CFAP299: variants seen among roughly 807,000 people sequenced by gnomAD.
CFAP299 encodes cilia- and flagella-associated protein 299.
In CFAP299, 21 loss-of-function variants were observed where a neutral mutation model predicts 27.0. That is an observed-to-expected ratio of 0.78 (90% CI 0.55 to 1.12). The LOEUF (loss-of-function observed/expected upper bound fraction) is 1.12, where lower values mean the gene tolerates loss of function less well. Ranked by LOEUF, CFAP299 falls within the 50% of genes most tolerant of loss-of-function variation. CFAP299 has a pLI of 0.00. For synonymous variants in CFAP299, 104 were observed against 98.1 expected, an observed-to-expected ratio of 1.06 and a Z score of -0.36; for missense variants, 310 against 276.6, an observed-to-expected ratio of 1.12 and a Z score of -0.86.
At chr4:80,340,791 T>A (rs901581004) in intron 1 of CFAP299, among the ~76,000 whole-genome samples, 1 of 152,090 alleles carries the variant, frequency 6.6e-6, no homozygotes, top group African/African-American at 2.4e-5. Context: ...TTATTATTTT[T>A]TTTTTTGGAG....
At chr4:80,537,764 G>A (rs1003553711) in intron 2 of CFAP299, among the ~76,000 whole-genome samples, 2 of 151,818 alleles carry the variant, frequency 1.3e-5, no homozygotes, top group Non-Finnish European at 2.9e-5. Flanking sequence ...TGTATAGCAT[G>A]GTGACTATAG....
At chr4:80,515,396 T>A (rs1445833966) in intron 2 of CFAP299, among the ~76,000 whole-genome samples, 2 of 152,208 alleles carry the variant, frequency 1.3e-5, no homozygotes, top group East Asian at 3.8e-4. Flanking sequence ...GTTCTCATGC[T>A]AATTGCTATG....
At chr4:80,909,748 TAAATA>T (rs1735372836) in intron 4 of CFAP299, among the ~76,000 whole-genome samples, 1 of 151,968 alleles carries the variant, frequency 6.6e-6, no homozygotes, top group African/African-American at 2.4e-5. Context: ...TTCAAAATTA[TAAATA>T]AAATATATGA....
intron 3 of CFAP299, among the ~76,000 whole-genome samples, chr4:80,601,119 A>G (rs1482493139): frequency 6.6e-6 from 1 of 152,142 alleles, no homozygotes; most frequent in Non-Finnish European, 1.5e-5. Flanking sequence ...AAAAACTTTA[A>G]AAGTTTTATA....
At chr4:80,404,118 A>G (rs1726296325) in intron 2 of CFAP299, among the ~76,000 whole-genome samples, 2 of 152,112 alleles carry the variant, frequency 1.3e-5, no homozygotes, top group African/African-American at 4.8e-5. Flanking sequence ...TCTTTTAAAA[A>G]CTTATTTCAA....
At chr4:80,532,374 A>G (rs1258794819) in intron 2 of CFAP299, among the ~76,000 whole-genome samples, 3 of 152,202 alleles carry the variant, frequency 2.0e-5, no homozygotes, top group Non-Finnish European at 4.4e-5. Flanking sequence ...AAAAGTGGGA[A>G]GTAGTCCATT....
At chr4:80,639,019 T>C (rs551104782) in intron 3 of CFAP299, among the ~76,000 whole-genome samples, 1 of 152,264 alleles carries the variant, frequency 6.6e-6, no homozygotes, top group African/African-American at 2.4e-5. Flanking sequence ...TCAAGCTCTT[T>C]GGTGTCTCTT....
intron 5 of CFAP299, among the ~76,000 whole-genome samples, chr4:80,946,022 G>A (rs34144094): frequency 0.079 from 11,894 of 150,598 alleles, 551 homozygotes; most frequent in Middle Eastern, 0.17. Flanking sequence ...GCATGGTGTC[G>A]CATGCCTGTA....
rs530114186 is a variant in CFAP299 at position 80,761,722 on chromosome 4, C to G, written c.334-108271C>G. Among the ~76,000 whole-genome samples, 153 of 151,908 alleles carry G rather than the reference C, an allele frequency of 1.0e-3. 1 individual carries two copies. Among genetic ancestry groups the G allele is most frequent in the African/African-American group, 3.5e-3 (145 of 41,474 alleles). ...AATAATTAGACAAGTGAATAATAAC[C>G]AGACAAAGTCAACAAGAATATGCAG... is the stretch of plus-strand genomic sequence containing the variant. On this transcript the variant is annotated intron_variant, in intron 3 of 5. Coordinates refer to ENST00000358105, the MANE Select transcript of CFAP299 (RefSeq NM_152770.3).
intron 2 of CFAP299, among the ~76,000 whole-genome samples, chr4:80,400,242 G>A (rs1382830935): frequency 1.3e-5 from 2 of 152,120 alleles, no homozygotes; most frequent in Non-Finnish European, 1.5e-5. Flanking sequence ...CTTTGCTGAT[G>A]TGTGTCAGGC....
chr4:80,477,431 C>T (rs965407786), intron 2 of CFAP299, among the ~76,000 whole-genome samples: 1 of 152,100 alleles, frequency 6.6e-6, no homozygotes, highest in Non-Finnish European at 1.5e-5. Flanking sequence ...CTATGCCTGT[C>T]GCAACTCTTG....
intron 2 of CFAP299, among the ~76,000 whole-genome samples, chr4:80,546,876 C>T (rs1338323091): frequency 6.6e-6 from 1 of 152,024 alleles, no homozygotes; most frequent in Non-Finnish European, 1.5e-5. Flanking sequence ...TGCTCGGCCT[C>T]ATGTGTTTCT....
At chr4:80,914,539 A>G (rs1735649544) in intron 4 of CFAP299, among the ~76,000 whole-genome samples, 1 of 152,156 alleles carries the variant, frequency 6.6e-6, no homozygotes, top group South Asian at 2.1e-4. Flanking sequence ...GACATTGAAA[A>G]AAGGCTCCTG....
chr4:80,844,713 A>C (rs1415903665), intron 3 of CFAP299, among the ~76,000 whole-genome samples: 1 of 151,824 alleles, frequency 6.6e-6, no homozygotes, highest in Admixed American at 6.6e-5. Flanking sequence ...TTGCCTGTTC[A>C]CTCTGATGGT....
chr4:80,809,481 G>C (rs1310882552), intron 3 of CFAP299, among the ~76,000 whole-genome samples: 1 of 152,072 alleles, frequency 6.6e-6, no homozygotes, highest in African/African-American at 2.4e-5. Context: ...CAGAGAGAGG[G>C]AGAGAAAGGT....
intron 3 of CFAP299, among the ~76,000 whole-genome samples, chr4:80,740,759 G>C (rs1724212045): frequency 1.3e-5 from 2 of 152,164 alleles, no homozygotes; most frequent in Admixed American, 1.3e-4. Context: ...AGTCTTTCCT[G>C]CTCTTCCCTC....
At chr4:80,930,296 T>C (rs556067256) in intron 4 of CFAP299, among the ~76,000 whole-genome samples, 1 of 152,330 alleles carries the variant, frequency 6.6e-6, no homozygotes, top group South Asian at 2.1e-4. Context: ...TCTCTTCATC[T>C]GTATCCTTTG....
At chr4:80,796,482 G>A (rs893170127) in intron 3 of CFAP299, among the ~76,000 whole-genome samples, 5 of 152,200 alleles carry the variant, frequency 3.3e-5, no homozygotes, top group Admixed American at 1.3e-4. Flanking sequence ...AAGCTGGAAC[G>A]TTGATATACC....
intron 2 of CFAP299, among the ~76,000 whole-genome samples, chr4:80,549,705 A>G (rs1322070168): frequency 2.6e-5 from 4 of 152,100 alleles, no homozygotes; most frequent in Non-Finnish European, 5.9e-5. Flanking sequence ...GGAGTAAATG[A>G]TCTCTAATAG....
Sources: allele counts gnomAD v4.1 joint callset (sites outside exome capture counted in the v4.1 genomes callset), GRCh38; gene constraint gnomAD v4.1.1; transcripts MANE v1.5; gene names NCBI Gene and HGNC (gene_info 2026-07-23, HGNC 2026-07-21).